FCHSD2: variants seen among roughly 807,000 people sequenced by gnomAD.
The protein encoded by FCHSD2 is FCH and double SH3 domains 2, also known as F-BAR and double SH3 domains protein 2.
Under a neutral mutation model 108.1 loss-of-function variants are expected in FCHSD2, and 38 were observed. That is an observed-to-expected ratio of 0.35 (90% CI 0.27 to 0.46). The LOEUF (loss-of-function observed/expected upper bound fraction) is 0.46, where lower values mean the gene tolerates loss of function less well. Among genes scored for constraint, FCHSD2 ranks in the 20% least tolerant of loss-of-function variants. FCHSD2 has a pLI of 1.00. For synonymous variants in FCHSD2, 279 were observed against 314.7 expected, an observed-to-expected ratio of 0.89 and a Z score of 1.20; for missense variants, 751 against 897.8, an observed-to-expected ratio of 0.84 and a Z score of 2.09.
At chr11:73,054,630 G>T (rs1189036079) in intron 3 of FCHSD2, among the ~76,000 whole-genome samples, 1 of 149,026 alleles carries the variant, frequency 6.7e-6, no homozygotes, top group South Asian at 2.2e-4. Flanking sequence ...GGAGGTGGGG[G>T]AAACAAACAG....
chr11:73,095,535 C>T (rs1026048350), intron 2 of FCHSD2, among the ~76,000 whole-genome samples: 7 of 152,104 alleles, frequency 4.6e-5, no homozygotes, highest in African/African-American at 1.7e-4. Context: ...AATATGATCT[C>T]CAATAAAACT....
chr11:72,934,986 C>A (rs1856271878), intron 8 of FCHSD2, among the ~76,000 whole-genome samples: 1 of 152,112 alleles, frequency 6.6e-6, no homozygotes. Context: ...TATTAGGCCA[C>A]ACACTCCCTT....
rs191522557 is a variant in FCHSD2 at position 73,130,091 on chromosome 11, G to A, written c.119+9940C>T. Among the ~76,000 whole-genome samples the A allele has an allele frequency of 5.4e-3, 824 of 151,892 alleles. 4 individuals carry two copies. The highest frequency in any genetic ancestry group is 0.014 in the South Asian group (68 of 4,788). ...GGGTTTCACCATGTTAGCCAGGATG[G>A]TCTCAATCTCCTGATCTCGTGATCC... On this transcript the variant is annotated intron_variant, in intron 2 of 19. Transcript: ENST00000409418.
intron 3 of FCHSD2, among the ~76,000 whole-genome samples, chr11:73,062,348 G>C (rs1474883791): frequency 6.6e-6 from 1 of 152,188 alleles, no homozygotes; most frequent in Admixed American, 6.5e-5. Flanking sequence ...GTGCAAAAAG[G>C]CTGAAAATTC....
intron 3 of FCHSD2, among the ~76,000 whole-genome samples, chr11:73,067,252 G>A (rs1859317328): frequency 6.6e-6 from 1 of 152,142 alleles, no homozygotes; most frequent in Non-Finnish European, 1.5e-5. Context: ...AACACTGCAT[G>A]TTCTCACTCA....
chr11:72,876,860 G>C (rs192157021), intron 12 of FCHSD2, among the ~76,000 whole-genome samples: 1 of 151,896 alleles, frequency 6.6e-6, no homozygotes, highest in African/African-American at 2.4e-5. Flanking sequence ...TTATATATAC[G>C]TCCAGGATTT....
At chr11:72,927,755 G>C (rs896222036) in intron 8 of FCHSD2, among the ~76,000 whole-genome samples, 5 of 152,172 alleles carry the variant, frequency 3.3e-5, no homozygotes, top group African/African-American at 1.2e-4. Flanking sequence ...AGATTCTGGT[G>C]ACCCTCTGGA....
chr11:72,882,866 T>G (rs1162350499), intron 12 of FCHSD2, among the ~76,000 whole-genome samples: 1 of 152,128 alleles, frequency 6.6e-6, no homozygotes, highest in Non-Finnish European at 1.5e-5. Context: ...ATGAGAATAG[T>G]CCAAATAATT....
In FCHSD2 at chr11:72,935,597, C is replaced by T. The variant is rs556141257; in HGVS notation, c.706-13647G>A. ...ATCTTTTTCAGAAGACCCCAAGCTA[C>T]GCCTAATCAGGTTACAAAGAGAAAG... On this transcript the variant is annotated intron_variant, in intron 8 of 19. Transcript: ENST00000409418. Among the ~76,000 whole-genome samples, 46 of 152,256 alleles carry T rather than the reference C, an allele frequency of 3.0e-4. 1 individual carries two copies. The highest frequency in any genetic ancestry group is 1.4e-3 in the South Asian group (7 of 4,830).
chr11:73,062,506 T>C lies in FCHSD2; in HGVS notation c.165+21189A>G, dbSNP rs560126005. 5.3e-5 allele frequency among the ~76,000 whole-genome samples: 8 copies of C among 152,262 alleles called. No individual in the cohort carries two copies. In the South Asian group the frequency reaches 8.3e-4, roughly 16 times the overall value. ...CCAACACCTCCAAGCTAAAGGAGCA[T>C]GTTCTAACCCAATGCAAGGAAGCTA... is the stretch of plus-strand genomic sequence containing the variant. On this transcript the variant is annotated intron_variant, in intron 3 of 19. Coordinates refer to ENST00000409418, the MANE Select transcript of FCHSD2 (RefSeq NM_014824.3).
intron 12 of FCHSD2, among the ~76,000 whole-genome samples, chr11:72,876,963 T>C (rs1854982768): frequency 6.6e-6 from 1 of 152,140 alleles, no homozygotes; most frequent in Non-Finnish European, 1.5e-5. Context: ...CTAACAGTAA[T>C]ATGATCACTT....
chr11:73,089,278 A>G (rs1334670762), intron 2 of FCHSD2, among the ~76,000 whole-genome samples: 1 of 148,218 alleles, frequency 6.7e-6, no homozygotes, highest in Non-Finnish European at 1.5e-5. Flanking sequence ...AATAAAACAG[A>G]CAGTAACAAG....
At chr11:73,025,992 T>TATG (rs1858219528) in intron 3 of FCHSD2, among the ~76,000 whole-genome samples, 3 of 149,406 alleles carry the variant, frequency 2.0e-5, no homozygotes, top group Non-Finnish European at 3.0e-5. Context: ...GAGATTCATT[T>TATG]TATGTATGTA....
intron 17 of FCHSD2, 151 bp downstream of exon 17, chr11:72,842,470 G>A: frequency 2.4e-6 from 2 of 826,160 alleles, no homozygotes; most frequent in Non-Finnish European, 3.7e-6. Context: ...CAAGTCTCTG[G>A]TTTCCCAAAT....
chr11:72,971,982 A>G (rs1012542600), intron 8 of FCHSD2, among the ~76,000 whole-genome samples: 1 of 152,238 alleles, frequency 6.6e-6, no homozygotes, highest in Non-Finnish European at 1.5e-5. Context: ...GGTTATACAT[A>G]TTTGTCAAAA....
At chr11:73,128,683 G>C (rs1335085514) in intron 2 of FCHSD2, among the ~76,000 whole-genome samples, 1 of 152,182 alleles carries the variant, frequency 6.6e-6, no homozygotes, top group African/African-American at 2.4e-5. Context: ...AGTACTTGGA[G>C]TTGCAGAAAC....
chr11:73,082,292 G>A (rs1258589118), intron 3 of FCHSD2, among the ~76,000 whole-genome samples: 3 of 117,756 alleles, frequency 2.5e-5, no homozygotes, highest in Non-Finnish European at 4.8e-5. Context: ...AGCCGAGATC[G>A]CACCACTGCA....
In FCHSD2 at chr11:72,937,192, G is replaced by C. The variant is rs1211749066; in HGVS notation, c.706-15242C>G. Among the ~76,000 whole-genome samples, 3 of 152,068 alleles carry C rather than the reference G, an allele frequency of 2.0e-5. No individual in the cohort carries two copies. In the South Asian group the frequency reaches 6.2e-4, roughly 32 times the overall value. On this transcript the variant is annotated intron_variant, in intron 8 of 19. Coordinates refer to ENST00000409418, the MANE Select transcript of FCHSD2 (RefSeq NM_014824.3). ...ATGAAGGAACTCTTAAGGCTTTTGGGGAAACTAAAACAGAAGTTTAGATAT... is the reference window on the plus strand; with the variant it reads ...ATGAAGGAACTCTTAAGGCTTTTGGCGAAACTAAAACAGAAGTTTAGATAT...
At chr11:72,910,858 A>G (rs1445494301) in intron 9 of FCHSD2, among the ~76,000 whole-genome samples, 1 of 150,668 alleles carries the variant, frequency 6.6e-6, no homozygotes, top group Non-Finnish European at 1.5e-5. Flanking sequence ...AATTTCCTAT[A>G]GAGTTGTTTG....
Sources: gnomAD v4.1 joint callset for allele counts (sites outside exome capture counted in the v4.1 genomes callset) on GRCh38, gnomAD v4.1.1 for gene constraint, MANE v1.5 for transcripts, NCBI Gene and HGNC (gene_info 2026-07-23, HGNC 2026-07-21) for gene names.